The following INPP5A variants were observed in gnomAD, a reference collection of about 807,000 sequenced individuals.
The protein encoded by INPP5A is 43 kDa inositol polyphosphate 5-phophatase.
INPP5A carries 14 observed loss-of-function variants against 65.2 expected under a neutral mutation model. That is an observed-to-expected ratio of 0.21 (90% CI 0.14 to 0.34). The LOEUF is 0.34. INPP5A is among the 10% of genes least tolerant of loss of function. The probability of loss-of-function intolerance (pLI) is 1.00; values close to 1 mark genes in which losing one functional copy is unlikely to be tolerated. For synonymous variants in INPP5A, 207 were observed against 208.3 expected, an observed-to-expected ratio of 0.99 and a Z score of 0.05; for missense variants, 431 against 545.6, an observed-to-expected ratio of 0.79 and a Z score of 2.09.
intron 11 of INPP5A, among the ~76,000 whole-genome samples, chr10:132,759,664 G>C (rs995526014): frequency 6.7e-6 from 1 of 150,300 alleles, no homozygotes; most frequent in African/African-American, 2.5e-5. Context: ...GGGCTCTCGG[G>C]GGTCCGGCTA....
In INPP5A at chr10:132,629,897, A is replaced by G. The variant is rs1190253060; in HGVS notation, c.118-15971A>G. On this transcript the variant is annotated intron_variant, in intron 2 of 15. Transcript: ENST00000368594. ...TCCAGGGAAAGACAATCATAAGGGG[A>G]AAGTGTCCATAAGGGGAAGGCATCC... Among the ~76,000 whole-genome samples, 6 of 152,134 alleles carry G rather than the reference A, an allele frequency of 3.9e-5. No individual in the cohort carries two copies. The East Asian group carries it at 1.2e-3, about 29-fold the overall frequency.
intron 13 of INPP5A, 132 bp downstream of exon 13, chr10:132,777,914 A>G: frequency 6.6e-7 from 1 of 1,504,090 alleles, no homozygotes; most frequent in Non-Finnish European, 8.9e-7. Flanking sequence ...TTGGGCCCTG[A>G]CCTCGTGCTG....
intron 2 of INPP5A, among the ~76,000 whole-genome samples, chr10:132,633,536 C>A (rs1294654274): frequency 6.6e-6 from 1 of 152,184 alleles, no homozygotes; most frequent in Admixed American, 6.5e-5. Flanking sequence ...GGGCACCGCA[C>A]CTCCTCCAGA....
At chr10:132,709,109 G>A (rs893291896) in intron 7 of INPP5A, among the ~76,000 whole-genome samples, 4 of 151,378 alleles carry the variant, frequency 2.6e-5, no homozygotes, top group Non-Finnish European at 5.9e-5. Flanking sequence ...CTGGGGCTCT[G>A]GCCCTGGTCA....
chr10:132,753,550 A>G lies in INPP5A; in HGVS notation c.903+3705A>G, dbSNP rs976503270. The stretch of plus-strand genomic sequence containing the variant: ...TGATTTATAGCTTTGTTTAGTCGAT[A>G]TTCCCATCGAAATTGTATAATTAAT... On this transcript the variant is annotated intron_variant, in intron 11 of 15. Coordinates refer to ENST00000368594, the MANE Select transcript of INPP5A (RefSeq NM_005539.5). This position sits in a 1 kb window ranked among gnomAD's most constrained non-coding sequence, Gnocchi z 5.3. Among the ~76,000 whole-genome samples, 1 of 152,190 alleles carries G rather than the reference A, an allele frequency of 6.6e-6. No individual in the cohort carries two copies. Among genetic ancestry groups the G allele is most frequent in the Non-Finnish European group, 1.5e-5 (1 of 68,042 alleles).
At chr10:132,539,139 C>T (rs1460554476) in intron 1 of INPP5A, among the ~76,000 whole-genome samples, 1 of 152,160 alleles carries the variant, frequency 6.6e-6, no homozygotes, top group African/African-American at 2.4e-5. Context: ...CTGCAGAATT[C>T]CCAAACCCTA....
At position 132,538,882 on chromosome 10, in the gene INPP5A, C is replaced by T. The variant is rs1259566125; in HGVS notation, c.75+711C>T. On this transcript the variant is annotated intron_variant, in intron 1 of 15. Transcript: ENST00000368594. The surrounding 1 kb of genome is among the most constrained non-coding windows in gnomAD (Gnocchi z 4.1). ...CCAGCCTTCATACTGTGGCCCTTTGCCTCTAAAGCCAATCTAGCCTGACTC... is the reference window on the plus strand; with the variant it reads ...CCAGCCTTCATACTGTGGCCCTTTGTCTCTAAAGCCAATCTAGCCTGACTC... Among the ~76,000 whole-genome samples the T allele has an allele frequency of 6.6e-6, 1 of 152,196 alleles. No homozygotes were observed. The highest frequency in any genetic ancestry group is 1.5e-5 in the Non-Finnish European group (1 of 68,030).
At position 132,679,623 on chromosome 10, in the gene INPP5A, G is replaced by A. The variant is rs117306559; in HGVS notation, c.307-10769G>A. ...AAGTAACAGAGTTTGGAGGAGGGTG[G>A]AGGGCGTGAGAAGGTGATGAGACAA... On this transcript the variant is annotated intron_variant, in intron 4 of 15. Coordinates refer to ENST00000368594, the MANE Select transcript of INPP5A (RefSeq NM_005539.5). Among the ~76,000 whole-genome samples the A allele has an allele frequency of 7.0e-3, 1,067 of 152,324 alleles. 6 individuals are homozygous for A. Among genetic ancestry groups the A allele is most frequent in the Middle Eastern group, 0.024 (7 of 294 alleles).
chr10:132,642,039 T>A (rs1471762718), intron 2 of INPP5A, among the ~76,000 whole-genome samples: 2 of 152,132 alleles, frequency 1.3e-5, no homozygotes, highest in Admixed American at 1.3e-4. Flanking sequence ...TGGGAGGGGA[T>A]GTGGAGAGCA....
intron 4 of INPP5A, among the ~76,000 whole-genome samples, chr10:132,670,201 C>CA (rs1158266825): frequency 3.0e-5 from 3 of 101,652 alleles, no homozygotes; most frequent in African/African-American, 1.2e-4. Flanking sequence ...CCTGACCCCA[C>CA]CCCCCCGACC....
intron 12 of INPP5A, among the ~76,000 whole-genome samples, chr10:132,777,033 G>C (rs1041325715): frequency 3.9e-5 from 6 of 152,190 alleles, no homozygotes; most frequent in Admixed American, 2.6e-4. Context: ...CTCACTGTGT[G>C]GGTGAAGGGC....
rs552579389 is a variant in INPP5A, at chr10:132,719,854, C to T, written c.648-6967C>T. Among the ~76,000 whole-genome samples the T allele has an allele frequency of 1.4e-5, 2 of 146,832 alleles. 1 individual carries two copies. Among genetic ancestry groups the T allele is most frequent in the Admixed American group, 1.4e-4 (2 of 14,712 alleles). ...CGACTGTCTTCAGGGTTCTGTGGTA[C>T]CTCGGTTCTGTCTGGGCGCCTTAGA... On this transcript the variant is annotated intron_variant, in intron 8 of 15. Coordinates refer to ENST00000368594, the MANE Select transcript of INPP5A (RefSeq NM_005539.5).
chr10:132,774,846 G>GGGA (rs1261053656), intron 12 of INPP5A, among the ~76,000 whole-genome samples: 183 of 91,128 alleles, frequency 2.0e-3, no homozygotes, highest in African/African-American at 6.7e-3. Context: ...GAGAGGGGTA[G>GGGA]GGAGAGACGG....
chr10:132,748,727 C>G (rs1047780845), intron 9 of INPP5A, among the ~76,000 whole-genome samples: 2 of 152,202 alleles, frequency 1.3e-5, no homozygotes, highest in Admixed American at 6.5e-5. Flanking sequence ...GGAGAGAGAT[C>G]GGCACTCACT....
chr10:132,539,269 A>G (rs1002659441), intron 1 of INPP5A, among the ~76,000 whole-genome samples: 1 of 152,208 alleles, frequency 6.6e-6, no homozygotes, highest in East Asian at 1.9e-4. Context: ...CTGCAGGGCC[A>G]GAGGGTAGGG....
rs1407809371 is a variant in INPP5A, at chr10:132,545,959, C to G, written c.75+7788C>G. ...CTGCACTGTGTCCACTCTTTAGGCT[C>G]TAATGTTCATGGTGTGTTTGGAGAC... On this transcript the variant is annotated intron_variant, in intron 1 of 15. Transcript: ENST00000368594. The surrounding 1 kb of genome is among the most constrained non-coding windows in gnomAD (Gnocchi z 4.6). Among the ~76,000 whole-genome samples the G allele has an allele frequency of 6.6e-6, 1 of 152,324 alleles. No individual in the cohort carries two copies. Among genetic ancestry groups the G allele is most frequent in the East Asian group, 1.9e-4 (1 of 5,186 alleles).
chr10:132,688,804 A>G (rs1327509641), intron 4 of INPP5A, among the ~76,000 whole-genome samples: 2 of 139,096 alleles, frequency 1.4e-5, no homozygotes, highest in East Asian at 4.3e-4. Flanking sequence ...GCGTGTGTGC[A>G]CCAGTGTGAG....
In INPP5A at chr10:132,624,435, ACACCGGCACGTGCACTTCC is replaced by A. The variant is rs369363070; in HGVS notation, c.117+16484_117+16502del. 3.9e-3 allele frequency among the ~76,000 whole-genome samples: 587 copies of A among 152,072 alleles called. 2 individuals are homozygous for A. Among genetic ancestry groups the A allele is most frequent in the African/African-American group, 0.013 (559 of 41,436 alleles). On this transcript the variant is annotated intron_variant, in intron 2 of 15. Coordinates refer to ENST00000368594, the MANE Select transcript of INPP5A (RefSeq NM_005539.5). ...GCCCTCACCAGCACACCTGCACCTC[ACACCGGCACGTGCACTTCC>A]CACCAGCGTGTCTGCACTTCCCACC...
intron 11 of INPP5A, among the ~76,000 whole-genome samples, chr10:132,760,616 C>G (rs898722700): frequency 6.6e-6 from 1 of 152,278 alleles, no homozygotes; most frequent in Non-Finnish European, 1.5e-5. Context: ...TCTGGCTCAC[C>G]TGAGCGGGAG....
Sources: allele counts gnomAD v4.1 joint callset (sites outside exome capture counted in the v4.1 genomes callset), GRCh38; gene constraint gnomAD v4.1.1; non-coding constraint Gnocchi (gnomAD v3.1); transcripts MANE v1.5; gene names NCBI Gene and HGNC (gene_info 2026-07-23, HGNC 2026-07-21).